CAMK1D: variants seen among roughly 807,000 people sequenced by gnomAD.
CAMK1D encodes calcium/calmodulin dependent protein kinase ID.
A neutral mutation model predicts 47.7 loss-of-function variants in CAMK1D; 9 were observed. The ratio of observed to expected loss-of-function variants is 0.19; its 90% CI spans 0.11 to 0.33. The LOEUF is 0.33. CAMK1D is among the 10% of genes least tolerant of loss of function. The pLI, the probability that CAMK1D is intolerant of heterozygous loss-of-function variation, is 1.00. For synonymous variants in CAMK1D, 184 were observed against 184.9 expected, an observed-to-expected ratio of 0.99 and a Z score of 0.04; for missense variants, 291 against 488.7, an observed-to-expected ratio of 0.60 and a Z score of 3.81.
chr10:12,504,248 A>ACT (rs1554779050), intron 1 of CAMK1D, among the ~76,000 whole-genome samples: 1 of 151,858 alleles, frequency 6.6e-6, no homozygotes, highest in Non-Finnish European at 1.5e-5. Context: ...ACACACACAC[A>ACT]CATCTAGGAG....
Position 12,710,349 on chromosome 10 carries a change from G to A in CAMK1D, c.299+43539G>A, listed in dbSNP as rs367566069. Among the ~76,000 whole-genome samples, 34 of 152,202 alleles carry A rather than the reference G, an allele frequency of 2.2e-4. No homozygotes were observed. In the East Asian group the frequency reaches 5.0e-3, roughly 22 times the overall value. ...CTGGACAGTGTCTTGATAACTTTCG[G>A]TAATTTGGCTGTACCCTGTCATTCA... On this transcript the variant is annotated intron_variant, in intron 3 of 10. Transcript: ENST00000619168.
chr10:12,496,108 C>T (rs1017360021), intron 1 of CAMK1D, among the ~76,000 whole-genome samples: 2 of 152,136 alleles, frequency 1.3e-5, no homozygotes, highest in African/African-American at 4.8e-5. Context: ...GGAGTTAGCC[C>T]ACCGTGCCCA....
intron 1 of CAMK1D, among the ~76,000 whole-genome samples, chr10:12,449,228 T>C (rs908208065): frequency 6.6e-6 from 1 of 152,132 alleles, no homozygotes; most frequent in Non-Finnish European, 1.5e-5. Flanking sequence ...GAAGTGTGGC[T>C]TGTCTGCCAT....
At chr10:12,728,496 T>A (rs889202378) in intron 3 of CAMK1D, among the ~76,000 whole-genome samples, 1 of 152,246 alleles carries the variant, frequency 6.6e-6, no homozygotes, top group African/African-American at 2.4e-5. Flanking sequence ...GAGCAGTGTT[T>A]TAAGTGGTCT....
At chr10:12,716,088 T>C (rs960672487) in intron 3 of CAMK1D, among the ~76,000 whole-genome samples, 2 of 152,140 alleles carry the variant, frequency 1.3e-5, no homozygotes, top group Non-Finnish European at 2.9e-5. Context: ...TAAGCATCTA[T>C]CGTCAAGTTC....
At chr10:12,549,837 G>A (rs1045041000) in intron 1 of CAMK1D, among the ~76,000 whole-genome samples, 2 of 152,184 alleles carry the variant, frequency 1.3e-5, no homozygotes, top group Non-Finnish European at 2.9e-5. Context: ...GCTTCCTGCC[G>A]TGGCAGTGCT....
At chr10:12,723,297 A>C (rs182194917) in intron 3 of CAMK1D, among the ~76,000 whole-genome samples, 1 of 152,316 alleles carries the variant, frequency 6.6e-6, no homozygotes, top group East Asian at 1.9e-4. Context: ...AAAGGAAAAG[A>C]TGTCTGACCT....
At chr10:12,401,858 G>A (rs1409706632) in intron 1 of CAMK1D, among the ~76,000 whole-genome samples, 1 of 151,006 alleles carries the variant, frequency 6.6e-6, no homozygotes, top group Non-Finnish European at 1.5e-5. Context: ...AAGCTGAAAA[G>A]AGGCTTTGGT....
intron 3 of CAMK1D, among the ~76,000 whole-genome samples, chr10:12,741,839 G>A (rs1463802458): frequency 6.6e-6 from 1 of 152,166 alleles, no homozygotes; most frequent in Non-Finnish European, 1.5e-5. Flanking sequence ...GGCCCTGCAG[G>A]GATTTCTCCT....
At chr10:12,395,118 C>A (rs867718076) in intron 1 of CAMK1D, among the ~76,000 whole-genome samples, 1 of 135,752 alleles carries the variant, frequency 7.4e-6, no homozygotes, top group African/African-American at 2.8e-5. Flanking sequence ...ATTGCCCAGG[C>A]TGGAGTGCAG....
intron 1 of CAMK1D, among the ~76,000 whole-genome samples, chr10:12,423,092 G>A (rs1202498854): frequency 2.0e-5 from 3 of 152,206 alleles, no homozygotes. Context: ...TTTTTATGAT[G>A]CAGAATAAAG....
chr10:12,350,203 C>A (rs142549311), intron 1 of CAMK1D, among the ~76,000 whole-genome samples: 3,961 of 152,296 alleles, frequency 0.026, 74 homozygotes, highest in Admixed American at 0.05. Context: ...CTCTCCGCTG[C>A]CTTCTCCCCA....
chr10:12,724,503 ACT>A (rs1462756057), intron 3 of CAMK1D, among the ~76,000 whole-genome samples: 1 of 152,020 alleles, frequency 6.6e-6, no homozygotes, highest in Non-Finnish European at 1.5e-5. Flanking sequence ...TACACCCATC[ACT>A]CTGCATCTTC....
intron 2 of CAMK1D, among the ~76,000 whole-genome samples, chr10:12,621,370 C>G (rs982580629): frequency 6.6e-6 from 1 of 152,192 alleles, no homozygotes; most frequent in Non-Finnish European, 1.5e-5. Flanking sequence ...GAATTGGCAT[C>G]TTTACTATGT....
At chr10:12,398,901 A>G (rs1839070403) in intron 1 of CAMK1D, among the ~76,000 whole-genome samples, 2 of 152,188 alleles carry the variant, frequency 1.3e-5, no homozygotes, top group South Asian at 2.1e-4. Flanking sequence ...AGATGTTAGT[A>G]CAAAGAAACC....
chr10:12,427,714 T>TTTTTTTTTTTTTTTTTC (rs1840295964), intron 1 of CAMK1D, among the ~76,000 whole-genome samples: 1 of 117,462 alleles, frequency 8.5e-6, no homozygotes, highest in African/African-American at 3.1e-5. Context: ...TTTTTTTTTT[T>TTTTTTTTTTTTTTTTTC]TTTTTTTTTT....
chr10:12,682,125 C>A (rs1012837129), intron 3 of CAMK1D, among the ~76,000 whole-genome samples: 1 of 152,176 alleles, frequency 6.6e-6, no homozygotes, highest in African/African-American at 2.4e-5. Flanking sequence ...GAGGCTGAGG[C>A]AGGAGAATGG....
chr10:12,582,529 G>T (rs1028906361), intron 2 of CAMK1D, among the ~76,000 whole-genome samples: 1 of 152,124 alleles, frequency 6.6e-6, no homozygotes, highest in Non-Finnish European at 1.5e-5. Flanking sequence ...CCATTTGTTT[G>T]TGTCATCTAC....
At chr10:12,549,738 G>C (rs1836516620) in intron 1 of CAMK1D, among the ~76,000 whole-genome samples, 1 of 152,148 alleles carries the variant, frequency 6.6e-6, no homozygotes. Flanking sequence ...CCTTCCCCAT[G>C]GGGCGCCACA....
Sources: allele counts gnomAD v4.1 joint callset (sites outside exome capture counted in the v4.1 genomes callset), GRCh38; gene constraint gnomAD v4.1.1; transcripts MANE v1.5; gene names NCBI Gene and HGNC (gene_info 2026-07-23, HGNC 2026-07-21).